Variants in CDK19 observed in about 807,000 individuals in gnomAD.
CDK19 encodes cyclin dependent kinase 19.
Under a neutral mutation model 68.3 loss-of-function variants are expected in CDK19, and 20 were observed. That is an observed-to-expected ratio of 0.29 (90% confidence interval 0.21 to 0.43). CDK19 has a LOEUF of 0.43. Ranked by LOEUF, CDK19 falls within the 20% of genes least tolerant of loss-of-function variation. CDK19 has a pLI of 1.00. For synonymous variants in CDK19, 221 were observed against 222.8 expected, an observed-to-expected ratio of 0.99 and a Z score of 0.07; for missense variants, 339 against 623.5, an observed-to-expected ratio of 0.54 and a Z score of 4.86.
intron 4 of CDK19, among the ~76,000 whole-genome samples, chr6:110,663,400 G>T (rs1781732045): frequency 6.6e-6 from 1 of 152,088 alleles, no homozygotes; most frequent in South Asian, 2.1e-4. Context: ...TATAAAGCAA[G>T]CATACAGTTT....
intron 4 of CDK19, among the ~76,000 whole-genome samples, chr6:110,659,261 C>G (rs1781478387): frequency 6.6e-6 from 1 of 152,210 alleles, no homozygotes; most frequent in African/African-American, 2.4e-5. Context: ...GCAGAGATTT[C>G]TAAGCACTTA....
At chr6:110,663,977 G>A (rs1781766515) in intron 4 of CDK19, among the ~76,000 whole-genome samples, 1 of 152,156 alleles carries the variant, frequency 6.6e-6, no homozygotes, top group African/African-American at 2.4e-5. Flanking sequence ...TGCCATTGAT[G>A]AGGTAATAAT....
At chr6:110,812,812 T>TAA (rs66478846) in intron 1 of CDK19, among the ~76,000 whole-genome samples, 1,920 of 101,578 alleles carry the variant, frequency 0.019, 50 homozygotes, top group African/African-American at 0.063. Context: ...TTTAAAACAG[T>TAA]AAAAAAAAAA....
At chr6:110,658,945 G>A (rs943757293) in intron 4 of CDK19, among the ~76,000 whole-genome samples, 4 of 152,212 alleles carry the variant, frequency 2.6e-5, no homozygotes, top group African/African-American at 9.6e-5. Flanking sequence ...TGGTGGAACT[G>A]AGGGTCAACA....
At chr6:110,799,170 A>AT (rs11431965) in intron 1 of CDK19, among the ~76,000 whole-genome samples, 2 of 148,144 alleles carry the variant, frequency 1.4e-5, no homozygotes, top group Non-Finnish European at 3.0e-5. Flanking sequence ...AAAAAAAAAA[A>AT]TTCCTCATCT....
chr6:110,636,637 T>C (rs1779794459), intron 5 of CDK19, among the ~76,000 whole-genome samples: 1 of 152,132 alleles, frequency 6.6e-6, no homozygotes, highest in Non-Finnish European at 1.5e-5. Context: ...GGACTTTTGA[T>C]AGAGGGATGG....
At chr6:110,742,632 G>C (rs368916224) in intron 2 of CDK19, among the ~76,000 whole-genome samples, 217 of 152,172 alleles carry the variant, frequency 1.4e-3, no homozygotes, top group Non-Finnish European at 2.3e-3. Context: ...ATGCATTCCT[G>C]GGGGGAGGTC....
chr6:110,668,635 C>T lies in CDK19; in HGVS notation c.316-1061G>A, dbSNP rs554751346. 3.0e-4 allele frequency among the ~76,000 whole-genome samples: 46 copies of T among 152,138 alleles called. 1 individual carries two copies. The South Asian group carries it at 8.9e-3, about 30-fold the overall frequency. On this transcript the variant is annotated intron_variant, in intron 3 of 12. Transcript: ENST00000368911. ...ATCACCTGAGGTGAGGAGTTCAAGG[C>T]CAGCCTGACCAACACGGTGAAACCC...
chr6:110,815,200 T>TCCC lies in CDK19; in HGVS notation c.-67_-65dup. ...GCCGCCGCTCAGTCCCTCCTCCTCC[T>TCCC]CCCCCCGCGACCGCCGCTCCACTTC... On this transcript the variant is annotated 5_prime_UTR_variant, in exon 1 of 13. Coordinates refer to ENST00000368911, the MANE Select transcript of CDK19 (RefSeq NM_015076.5). 7.5e-7 allele frequency: 1 copy of TCCC among 1,324,986 alleles called. No individual in the cohort carries two copies. Among genetic ancestry groups the TCCC allele is most frequent in the Non-Finnish European group, 9.8e-7 (1 of 1,018,810 alleles). The allele number at this position is 1,324,986 out of a possible 1,614,324, so 82.1% of individuals were successfully genotyped here.
At chr6:110,638,270 T>C (rs1779912522) in intron 5 of CDK19, among the ~76,000 whole-genome samples, 1 of 151,916 alleles carries the variant, frequency 6.6e-6, no homozygotes, top group Non-Finnish European at 1.5e-5. Flanking sequence ...TCGCTCAGGG[T>C]GGGGAGGAAA....
At chr6:110,792,293 T>A (rs1016075621) in intron 1 of CDK19, among the ~76,000 whole-genome samples, 2 of 152,100 alleles carry the variant, frequency 1.3e-5, no homozygotes, top group African/African-American at 2.4e-5. Flanking sequence ...TTAATTTAAT[T>A]TGAGAAAAGA....
At chr6:110,797,065 G>T (rs1459982496) in intron 1 of CDK19, among the ~76,000 whole-genome samples, 1 of 151,418 alleles carries the variant, frequency 6.6e-6, no homozygotes, top group Non-Finnish European at 1.5e-5. Context: ...TTTTTGGCTG[G>T]GCACGGTGGC....
chr6:110,661,370 T>C (rs937050487), intron 4 of CDK19, among the ~76,000 whole-genome samples: 2 of 152,220 alleles, frequency 1.3e-5, no homozygotes, highest in Non-Finnish European at 1.5e-5. Flanking sequence ...TCCAATGAGA[T>C]GTAATTCTAT....
chr6:110,770,276 T>A (rs866390574), intron 1 of CDK19, among the ~76,000 whole-genome samples: 1 of 149,340 alleles, frequency 6.7e-6, no homozygotes, highest in South Asian at 2.3e-4. Flanking sequence ...GATAAAGACA[T>A]ACCCGAGATT....
chr6:110,788,628 T>G (rs994070195), intron 1 of CDK19, among the ~76,000 whole-genome samples: 2 of 152,218 alleles, frequency 1.3e-5, no homozygotes, highest in Non-Finnish European at 2.9e-5. Flanking sequence ...CTTATAGCAA[T>G]CCTGCACCCA....
At chr6:110,734,510 G>A (rs1168288194) in intron 2 of CDK19, among the ~76,000 whole-genome samples, 1 of 43,174 alleles carries the variant, frequency 2.3e-5, no homozygotes, top group African/African-American at 6.3e-5. Flanking sequence ...AAACTAAGAG[G>A]GTGAGCACTG....
At chr6:110,738,105 C>T (rs1228344686) in intron 2 of CDK19, among the ~76,000 whole-genome samples, 1 of 152,086 alleles carries the variant, frequency 6.6e-6, no homozygotes, top group African/African-American at 2.4e-5. Flanking sequence ...GATTTTGTCC[C>T]TTTCACAGAA....
chr6:110,730,132 T>C (rs899327623), intron 2 of CDK19, among the ~76,000 whole-genome samples: 1 of 152,190 alleles, frequency 6.6e-6, no homozygotes, highest in African/African-American at 2.4e-5. Context: ...AGAGCCTATC[T>C]TGATTGGATT....
chr6:110,695,530 A>G (rs375340064), intron 2 of CDK19, among the ~76,000 whole-genome samples: 6 of 152,214 alleles, frequency 3.9e-5, no homozygotes, highest in African/African-American at 1.4e-4. Flanking sequence ...TTGAAACAAA[A>G]AAATTTACAA....
Sources: gnomAD v4.1 joint callset for allele counts (sites outside exome capture counted in the v4.1 genomes callset) on GRCh38, gnomAD v4.1.1 for gene constraint, MANE v1.5 for transcripts, NCBI Gene and HGNC (gene_info 2026-07-23, HGNC 2026-07-21) for gene names.